The following COP1 variants were observed in gnomAD, a reference collection of about 807,000 sequenced individuals.
COP1 encodes E3 ubiquitin-protein ligase COP1.
Under a neutral mutation model 101.3 loss-of-function variants are expected in COP1, and 24 were observed. The observed-to-expected ratio is 0.24, with a 90% confidence interval of 0.17 to 0.33. The LOEUF is 0.33. COP1 is among the 10% of genes least tolerant of loss of function. The pLI, the probability that COP1 is intolerant of heterozygous loss-of-function variation, is 1.00. For missense variants in COP1, 663 were observed against 906.2 expected (o/e 0.73, Z 3.45); for synonymous variants, 347 against 341.9 (o/e 1.01, Z -0.17).
intron 1 of COP1, among the ~76,000 whole-genome samples, chr1:176,189,628 G>A (rs1572766029): frequency 6.6e-6 from 1 of 151,712 alleles, no homozygotes; most frequent in Middle Eastern, 3.4e-3. Flanking sequence ...AAGACAGACA[G>A]AAACTAGGAT....
chr1:176,174,012 AAT>A (rs1161423927), intron 3 of COP1, among the ~76,000 whole-genome samples: 2 of 150,242 alleles, frequency 1.3e-5, no homozygotes, highest in Non-Finnish European at 3.0e-5. Context: ...AAAAAAAGAG[AAT>A]ATATATAATG....
chr1:176,151,746 T>C (rs1374804911), intron 5 of COP1, among the ~76,000 whole-genome samples: 1 of 152,224 alleles, frequency 6.6e-6, no homozygotes, highest in Non-Finnish European at 1.5e-5. Flanking sequence ...ATCCTTCGGT[T>C]ATATGGCAAG....
Position 176,151,286 on chromosome 1 carries a change from G to GAAGGAGAGAAAGAAAGA in COP1, c.763-2229_763-2213dup, listed in dbSNP as rs1375678100. ...AAGAAAGAAAAAGGAAGGAAGGAAG[G>GAAGGAGAGAAAGAAAGA]AAGGAGAGAAAGAAAGAAAGGAGAG... On this transcript the variant is annotated intron_variant, in intron 5 of 19. Coordinates refer to ENST00000367669, the MANE Select transcript of COP1 (RefSeq NM_022457.7). Among the ~76,000 whole-genome samples the GAAGGAGAGAAAGAAAGA allele has an allele frequency of 1.3e-4, 18 of 143,694 alleles. 1 individual carries two copies. The highest frequency in any genetic ancestry group is 1.2e-3 in the Admixed American group (17 of 14,142). 94.3% of individuals were successfully genotyped at this position (143,694 alleles called of 152,430 possible).
chr1:175,981,003 A>G (rs960654819), intron 18 of COP1, among the ~76,000 whole-genome samples: 7 of 152,126 alleles, frequency 4.6e-5, no homozygotes, highest in Non-Finnish European at 1.0e-4. Flanking sequence ...ATAGTTTCAG[A>G]TAAGAGTCAT....
At position 176,085,785 on chromosome 1, in the gene COP1, G is replaced by T. The variant is rs138406127; in HGVS notation, c.1132C>A (p.Arg378Ser). The T allele has an allele frequency of 1.3e-6, 2 of 1,579,166 alleles. No homozygotes were observed. Among genetic ancestry groups the T allele is most frequent in the Non-Finnish European group, 1.7e-6 (2 of 1,151,608 alleles). Residue 378 changes from arginine (R) to serine (S), a missense_variant, in exon 10 of 20, where the codon CGT becomes AGT. Around this residue, in one of 4 missense-constraint regions of COP1, gnomAD observed 212 missense variants for 240.7 expected, o/e 0.88. Transcript: ENST00000367669. ...EQCYFSTRMS[R>S]ISDDSRTASQ... ...AGGTCTAAATATATACCTGAGATACGAGACATCCTTGTAGAAAAGTAACAC... is the reference window on the plus strand; with the variant it reads ...AGGTCTAAATATATACCTGAGATACTAGACATCCTTGTAGAAAAGTAACAC...
intron 18 of COP1, among the ~76,000 whole-genome samples, chr1:175,952,546 G>A (rs937355718): frequency 1.4e-4 from 22 of 151,960 alleles, no homozygotes; most frequent in African/African-American, 3.9e-4. Context: ...ACAGACCTGC[G>A]CTGTAAGAAA....
intron 11 of COP1, among the ~76,000 whole-genome samples, chr1:176,068,363 A>T (rs1676378339): frequency 6.6e-6 from 1 of 152,142 alleles, no homozygotes; most frequent in South Asian, 2.1e-4. Context: ...TAGAAATGCA[A>T]ATTCTTACAC....
At chr1:176,010,467 T>G (rs901970421) in intron 15 of COP1, among the ~76,000 whole-genome samples, 1 of 152,236 alleles carries the variant, frequency 6.6e-6, no homozygotes, top group South Asian at 2.1e-4. Flanking sequence ...TTCATAATAT[T>G]GTTATATTTG....
chr1:175,947,345 C>T (rs920176030), intron 18 of COP1, 106 bp from the exon 19 acceptor site: 17 of 756,712 alleles, frequency 2.2e-5, no homozygotes, highest in Admixed American at 1.3e-4. Context: ...ATTCCTAAGA[C>T]AATTGAATCT....
At chr1:176,159,821 T>C (rs1210460742) in intron 5 of COP1, among the ~76,000 whole-genome samples, 1 of 152,146 alleles carries the variant, frequency 6.6e-6, no homozygotes, top group Non-Finnish European at 1.5e-5. Flanking sequence ...CAACTTCATA[T>C]GGTGGTCACA....
intron 14 of COP1, among the ~76,000 whole-genome samples, chr1:176,033,351 C>T (rs1436666240): frequency 2.0e-5 from 3 of 152,036 alleles, no homozygotes; most frequent in African/African-American, 2.4e-5. Context: ...TGCTTGAACC[C>T]GGGTGGTGGA....
chr1:176,110,064 A>C (rs1308033903), intron 9 of COP1, among the ~76,000 whole-genome samples: 1 of 151,798 alleles, frequency 6.6e-6, no homozygotes, highest in Admixed American at 6.6e-5. Flanking sequence ...GTCTTCATTT[A>C]CTCTTTTCTA....
chr1:176,058,357 C>A (rs904554681), intron 11 of COP1, among the ~76,000 whole-genome samples: 1 of 152,124 alleles, frequency 6.6e-6, no homozygotes, highest in African/African-American at 2.4e-5. Flanking sequence ...ATTGAGAAAT[C>A]GGATGGTTGC....
chr1:176,158,630 CTTTTTTTTTTT>C (rs35518162), intron 5 of COP1, among the ~76,000 whole-genome samples: 24 of 79,316 alleles, frequency 3.0e-4, no homozygotes, highest in East Asian at 1.3e-3. Flanking sequence ...TTTTAAGGTT[CTTTTTTTTTTT>C]TTTTTTTTTT....
intron 9 of COP1, among the ~76,000 whole-genome samples, chr1:176,101,116 A>G (rs367801395): frequency 1.3e-5 from 2 of 152,180 alleles, no homozygotes; most frequent in East Asian, 3.9e-4. Context: ...TAAGGTGTAC[A>G]TGGGTAAGAG....
chr1:176,048,751 C>A (rs953768129), intron 11 of COP1, among the ~76,000 whole-genome samples: 9 of 152,132 alleles, frequency 5.9e-5, no homozygotes, highest in Non-Finnish European at 8.8e-5. Flanking sequence ...CAATGTTGTG[C>A]CAGTAAAAGT....
chr1:176,146,244 T>C (rs1234038863), intron 6 of COP1, among the ~76,000 whole-genome samples: 1 of 152,158 alleles, frequency 6.6e-6, no homozygotes, highest in African/African-American at 2.4e-5. Flanking sequence ...CAACACCCTT[T>C]TGTTTAATCT....
chr1:175,967,422 G>A (rs1438058500), intron 18 of COP1, among the ~76,000 whole-genome samples: 1 of 152,160 alleles, frequency 6.6e-6, no homozygotes, highest in African/African-American at 2.4e-5. Flanking sequence ...GGAGGCAGGG[G>A]TTGCAGTGAG....
At chr1:176,145,791 G>C (rs1691502680) in intron 6 of COP1, among the ~76,000 whole-genome samples, 2 of 152,090 alleles carry the variant, frequency 1.3e-5, no homozygotes, top group African/African-American at 4.8e-5. Context: ...GAGACCTATG[G>C]ATACTCAGGC....
Sources: allele counts gnomAD v4.1 joint callset (sites outside exome capture counted in the v4.1 genomes callset), GRCh38; gene constraint gnomAD v4.1.1; regional missense constraint gnomAD v4.1.1; transcripts MANE v1.5; gene names NCBI Gene and HGNC (gene_info 2026-07-23, HGNC 2026-07-21).